GPC5: variants seen among roughly 807,000 people sequenced by gnomAD.
GPC5 encodes glypican-5.
A neutral mutation model predicts 53.9 loss-of-function variants in GPC5; 47 were observed. The observed-to-expected ratio is 0.87, with a 90% CI of 0.69 to 1.11. GPC5 has a LOEUF of 1.11. Ranked by LOEUF, GPC5 falls within the 50% of genes most tolerant of loss-of-function variation. The probability of loss-of-function intolerance (pLI) is 0.00; values close to 1 mark genes in which losing one functional copy is unlikely to be tolerated. For synonymous variants in GPC5, 286 were observed against 263.3 expected (o/e 1.09, Z -0.84); for missense variants, 748 against 713.1 (o/e 1.05, Z -0.56).
At chr13:91,663,030 C>A (rs1054794451) in intron 2 of GPC5, among the ~76,000 whole-genome samples, 1 of 152,150 alleles carries the variant, frequency 6.6e-6, no homozygotes. Context: ...GCTACTGTTG[C>A]CTCACTTACA....
chr13:91,712,890 A>G (rs1033895955), intron 3 of GPC5, among the ~76,000 whole-genome samples: 4 of 149,390 alleles, frequency 2.7e-5, no homozygotes, highest in African/African-American at 9.9e-5. Flanking sequence ...ATGAATACAA[A>G]CAAAAATAAA....
chr13:92,145,021 A>G, intron 7 of GPC5, 32 bp downstream of exon 7: 2 of 1,331,302 alleles, frequency 1.5e-6, no homozygotes, highest in Non-Finnish European at 1.9e-6. Context: ...CACTTTTTTA[A>G]AACAATGATT....
chr13:92,116,276 A>C (rs965461348), intron 6 of GPC5, among the ~76,000 whole-genome samples: 15 of 56,650 alleles, frequency 2.6e-4, no homozygotes, highest in South Asian at 6.5e-4. Flanking sequence ...CAAACAAAAA[A>C]AAAAAAACAG....
At chr13:92,187,560 C>G (rs954527039) in intron 7 of GPC5, among the ~76,000 whole-genome samples, 10 of 152,302 alleles carry the variant, frequency 6.6e-5, no homozygotes, top group African/African-American at 2.4e-4. Context: ...CAATAAAAAG[C>G]AATTCCTCTC....
chr13:92,602,848 AT>A (rs67198247), intron 7 of GPC5, among the ~76,000 whole-genome samples: 12,336 of 151,586 alleles, frequency 0.081, 1,563 homozygotes, highest in African/African-American at 0.27. Context: ...CATAGTTTTG[AT>A]TTTTTTTTCA....
chr13:91,532,585 GC>G (rs1252394813), intron 2 of GPC5, among the ~76,000 whole-genome samples: 6 of 152,140 alleles, frequency 3.9e-5, no homozygotes, highest in African/African-American at 1.4e-4. Context: ...TGCAAAGTAG[GC>G]CGGGCACAGT....
At chr13:91,826,724 A>G (rs2038581515) in intron 5 of GPC5, among the ~76,000 whole-genome samples, 1 of 152,110 alleles carries the variant, frequency 6.6e-6, no homozygotes, top group African/African-American at 2.4e-5. Context: ...GAGTAAGTTC[A>G]ATTAACTTTT....
intron 2 of GPC5, among the ~76,000 whole-genome samples, chr13:91,670,708 G>T (rs1440787692): frequency 6.6e-5 from 10 of 152,078 alleles, no homozygotes; most frequent in Admixed American, 6.6e-4. Context: ...CAGTTGCTGA[G>T]GGCGGGGCAT....
In GPC5 at chr13:91,844,037, G is replaced by A. The variant is rs144858120; in HGVS notation, c.1281-63900G>A. 2.3e-3 allele frequency among the ~76,000 whole-genome samples: 345 copies of A among 152,224 alleles called. 2 individuals are homozygous for A. Among genetic ancestry groups the A allele is most frequent in the African/African-American group, 7.8e-3 (322 of 41,540 alleles). Reference sequence around the variant, plus strand: ...AATAATGTATATTTGAGAGTTTTGCGTTTATCTGATGTGAAGTCTCATGGT... The same window carrying A: ...AATAATGTATATTTGAGAGTTTTGCATTTATCTGATGTGAAGTCTCATGGT... On this transcript the variant is annotated intron_variant, in intron 5 of 7. Coordinates refer to ENST00000377067, the MANE Select transcript of GPC5 (RefSeq NM_004466.6).
At chr13:92,149,671 G>GTAA (rs1397501127) in intron 7 of GPC5, among the ~76,000 whole-genome samples, 2 of 151,976 alleles carry the variant, frequency 1.3e-5, no homozygotes, top group African/African-American at 4.8e-5. Flanking sequence ...GATTTATTTA[G>GTAA]TAATGCAAGA....
intron 2 of GPC5, among the ~76,000 whole-genome samples, chr13:91,666,928 A>C (rs3906488): frequency 0.25 from 38,225 of 151,992 alleles, 6,672 homozygotes; most frequent in African/African-American, 0.49. Context: ...ATTCACTTGA[A>C]TAGATTAGCC....
At chr13:92,405,389 C>T (rs1875749610) in intron 7 of GPC5, among the ~76,000 whole-genome samples, 1 of 152,132 alleles carries the variant, frequency 6.6e-6, no homozygotes, top group African/African-American at 2.4e-5. Context: ...CAGGCAGCGG[C>T]CCCAACTGGG....
intron 7 of GPC5, among the ~76,000 whole-genome samples, chr13:92,437,188 C>T (rs374888105): frequency 1.3e-5 from 2 of 152,170 alleles, no homozygotes; most frequent in African/African-American, 4.8e-5. Flanking sequence ...AAGACAGTCA[C>T]CCAGGGATGT....
chr13:91,495,794 G>A (rs1387155813), intron 2 of GPC5, among the ~76,000 whole-genome samples: 4 of 152,174 alleles, frequency 2.6e-5, no homozygotes, highest in South Asian at 2.1e-4. Context: ...AGGCCGAGGC[G>A]GGTGGATCAC....
At chr13:91,742,774 T>C (rs1217991669) in intron 4 of GPC5, among the ~76,000 whole-genome samples, 1 of 152,188 alleles carries the variant, frequency 6.6e-6, no homozygotes, top group Non-Finnish European at 1.5e-5. Context: ...TTATTCAAAC[T>C]CTTCAGGCTC....
At chr13:91,653,523 T>G (rs931641167) in intron 2 of GPC5, among the ~76,000 whole-genome samples, 5 of 152,140 alleles carry the variant, frequency 3.3e-5, no homozygotes, top group Admixed American at 6.6e-5. Context: ...TAACTTAGAA[T>G]GTAATTGGAT....
chr13:91,512,091 A>T (rs976664200), intron 2 of GPC5, among the ~76,000 whole-genome samples: 2 of 152,200 alleles, frequency 1.3e-5, no homozygotes, highest in African/African-American at 4.8e-5. Context: ...GGCTTTAAAT[A>T]TATTTTTTGC....
In GPC5 at chr13:92,230,277, T is replaced by C. The variant is rs189720928; in HGVS notation, c.1561+85288T>C. 5.9e-5 allele frequency among the ~76,000 whole-genome samples: 9 copies of C among 152,250 alleles called. No individual in the cohort carries two copies. In the East Asian group the frequency reaches 1.7e-3, roughly 29 times the overall value. Reference sequence around the variant, plus strand: ...CAATAAAATATAGCAACCTTAATAGTAAGTTGTATATCTTCAGTGTTGTGC... The same window carrying C: ...CAATAAAATATAGCAACCTTAATAGCAAGTTGTATATCTTCAGTGTTGTGC... On this transcript the variant is annotated intron_variant, in intron 7 of 7. Coordinates refer to ENST00000377067, the MANE Select transcript of GPC5 (RefSeq NM_004466.6).
intron 2 of GPC5, among the ~76,000 whole-genome samples, chr13:91,467,509 C>G (rs553754276): frequency 1.3e-5 from 2 of 152,230 alleles, no homozygotes; most frequent in Non-Finnish European, 2.9e-5. Flanking sequence ...TCCTTCCCTT[C>G]TTATGCTCTC....
Sources: gnomAD v4.1 joint callset for allele counts (sites outside exome capture counted in the v4.1 genomes callset) on GRCh38, gnomAD v4.1.1 for gene constraint, MANE v1.5 for transcripts, NCBI Gene and HGNC (gene_info 2026-07-23, HGNC 2026-07-21) for gene names.